PPP3CC: variants seen among roughly 807,000 people sequenced by gnomAD.
The protein encoded by PPP3CC is serine/threonine-protein phosphatase 2B catalytic subunit gamma isoform.
Under a neutral mutation model 60.3 loss-of-function variants are expected in PPP3CC, and 35 were observed. The observed-to-expected ratio is 0.58, with a 90% CI of 0.44 to 0.77. PPP3CC has a LOEUF of 0.77. PPP3CC is among the 30% of genes least tolerant of loss of function. The probability of loss-of-function intolerance (pLI) is 0.00; values close to 1 mark genes in which losing one functional copy is unlikely to be tolerated. For missense variants in PPP3CC, 570 were observed against 628.9 expected (o/e 0.91, Z 1.00); for synonymous variants, 206 against 224.3 (o/e 0.92, Z 0.73).
Position 22,533,212 on chromosome 8 carries a change from T to G in PPP3CC, c.1321+194T>G, listed in dbSNP as rs116639399. Among the ~76,000 whole-genome samples the G allele has an allele frequency of 3.4e-3, 514 of 152,262 alleles. 6 individuals carry two copies. Among genetic ancestry groups the G allele is most frequent in the African/African-American group, 0.011 (449 of 41,542 alleles). On this transcript the variant is annotated intron_variant, in intron 12 of 13. Transcript: ENST00000240139. ...TCAGAATGGCTTATTATAACTTCAGTGTAAAAAGCAAAACAGTAAAACAAG... is the reference window on the plus strand; with the variant it reads ...TCAGAATGGCTTATTATAACTTCAGGGTAAAAAGCAAAACAGTAAAACAAG...
intron 3 of PPP3CC, among the ~76,000 whole-genome samples, chr8:22,488,307 T>C (rs182608101): frequency 6.6e-6 from 1 of 152,372 alleles, no homozygotes; most frequent in East Asian, 1.9e-4. Flanking sequence ...AGGTTATTTA[T>C]ATGTGTCTAC....
chr8:22,483,976 G>A (rs1838148082), intron 3 of PPP3CC, among the ~76,000 whole-genome samples: 1 of 151,828 alleles, frequency 6.6e-6, no homozygotes, highest in African/African-American at 2.4e-5. Context: ...CAATTAGCTA[G>A]GACTACAGGT....
intron 6 of PPP3CC, among the ~76,000 whole-genome samples, chr8:22,519,100 G>C (rs1459046424): frequency 6.6e-6 from 1 of 152,170 alleles, no homozygotes; most frequent in African/African-American, 2.4e-5. Context: ...ACATCTTTCT[G>C]TTGTATTGAC....
chr8:22,453,695 C>A (rs1401318088), intron 1 of PPP3CC, among the ~76,000 whole-genome samples: 2 of 152,172 alleles, frequency 1.3e-5, no homozygotes, highest in African/African-American at 4.8e-5. Context: ...GTAGATGTTA[C>A]ACACCTAGGC....
intron 1 of PPP3CC, among the ~76,000 whole-genome samples, chr8:22,452,915 C>T (rs1389746675): frequency 6.6e-6 from 1 of 152,194 alleles, no homozygotes; most frequent in African/African-American, 2.4e-5. Flanking sequence ...CCTTTCTTCA[C>T]AATAAACTCC....
chr8:22,485,617 A>G (rs375121055), intron 3 of PPP3CC, among the ~76,000 whole-genome samples: 16 of 152,288 alleles, frequency 1.1e-4, no homozygotes, highest in African/African-American at 3.4e-4. Context: ...TATAGTTCCA[A>G]TGGCTGCTGA....
chr8:22,536,673 A>G (rs1563796566), intron 12 of PPP3CC, among the ~76,000 whole-genome samples: 1 of 152,180 alleles, frequency 6.6e-6, no homozygotes, highest in Non-Finnish European at 1.5e-5. Flanking sequence ...AGAGTTTCTT[A>G]TTCTTATTGA....
At chr8:22,443,772 G>A (rs770497216) in intron 1 of PPP3CC, among the ~76,000 whole-genome samples, 1 of 152,176 alleles carries the variant, frequency 6.6e-6, no homozygotes, top group Admixed American at 6.5e-5. Context: ...GTGGCTTCAT[G>A]ATGACTTATG....
At chr8:22,506,268 C>CAA (rs11407310) in intron 4 of PPP3CC, among the ~76,000 whole-genome samples, 16 of 150,378 alleles carry the variant, frequency 1.1e-4, no homozygotes, top group African/African-American at 2.4e-4. Flanking sequence ...GACCCCATTT[C>CAA]AAAAAAAAAG....
At chr8:22,447,739 A>G (rs1836874936) in intron 1 of PPP3CC, among the ~76,000 whole-genome samples, 3 of 152,218 alleles carry the variant, frequency 2.0e-5, no homozygotes, top group Non-Finnish European at 4.4e-5. Flanking sequence ...GGTTATCCAG[A>G]TGAATGTAGA....
Position 22,540,780 on chromosome 8 carries a change from A to G in PPP3CC, c.1517A>G (p.Gln506Arg). 1 of 1,612,036 alleles carries G rather than the reference A, an allele frequency of 6.2e-7. No homozygotes were observed. Among genetic ancestry groups the G allele is most frequent in the East Asian group, 2.2e-5 (1 of 44,818 alleles). ...TCACATGCTGCGCACAGGAGCGACC[A>G]AGGGAAGAAAGCCCATTCATGACTT... Reference protein sequence around the residue: ...AHSHAAHRSDQGKKAHS With the variant: ...AHSHAAHRSDRGKKAHS The change falls in exon 14 of 14, where the codon CAA (glutamine) becomes CGA (arginine). Residue 506 changes from glutamine to arginine, a missense_variant. Gln to Arg is a conservative substitution (Grantham distance 43). Transcript: ENST00000240139.
At position 22,497,490 on chromosome 8, in the gene PPP3CC, C is replaced by A. The variant is rs7001488; in HGVS notation, c.373-511C>A. ...TTGATTTTGTATGTTAATTTTATAT[C>A]CTGCTAGTTTACTGAATTATTTTAT... On this transcript the variant is annotated intron_variant, in intron 3 of 13. Coordinates refer to ENST00000240139, the MANE Select transcript of PPP3CC (RefSeq NM_005605.5). Among the ~76,000 whole-genome samples, 1,189 of 152,122 alleles carry A rather than the reference C, an allele frequency of 7.8e-3. 16 individuals carry two copies. Among genetic ancestry groups the A allele is most frequent in the African/African-American group, 0.027 (1,130 of 41,498 alleles).
At chr8:22,459,455 A>ATGTGTGTG (rs56870564) in intron 1 of PPP3CC, among the ~76,000 whole-genome samples, 9,605 of 150,198 alleles carry the variant, frequency 0.064, 1,019 homozygotes, top group African/African-American at 0.21. Context: ...TCACTTTGTT[A>ATGTGTGTG]TGTGTGTGTG....
chr8:22,441,326 A>AGGCTGACGGCTCCGGGCAGCTG lies in PPP3CC; in HGVS notation c.-84_-83insGGCTGACGGCTCCGGGCAGCTG, dbSNP rs1836659766. 7.2e-7 allele frequency: 1 copy of AGGCTGACGGCTCCGGGCAGCTG among 1,391,070 alleles called. No individual in the cohort carries two copies. The highest frequency in any genetic ancestry group is 1.5e-5 in the African/African-American group (1 of 65,902). The allele number at this position is 1,391,070 out of a possible 1,614,324, so 86.2% of individuals were successfully genotyped here. The stretch of plus-strand genomic sequence containing the variant: ...GGCTGGCTGACGGCTCCGGGCAGCT[A>AGGCTGACGGCTCCGGGCAGCTG]AGGCTGCCCGAGGAGAAGGCGGCGG... On this transcript the variant is annotated 5_prime_UTR_variant, in exon 1 of 14. Coordinates refer to ENST00000240139, the MANE Select transcript of PPP3CC (RefSeq NM_005605.5).
intron 5 of PPP3CC, among the ~76,000 whole-genome samples, chr8:22,513,030 C>T (rs1839135570): frequency 6.6e-6 from 1 of 151,286 alleles, no homozygotes; most frequent in African/African-American, 2.4e-5. Flanking sequence ...GAGCCGAGAT[C>T]GTGCCATTGC....
intron 4 of PPP3CC, among the ~76,000 whole-genome samples, chr8:22,510,299 C>A (rs1839049068): frequency 6.6e-6 from 1 of 152,110 alleles, no homozygotes; most frequent in South Asian, 2.1e-4. Context: ...AGGCGTGAGC[C>A]ACCACACCAG....
Position 22,541,091 on chromosome 8 carries a change from A to T in PPP3CC, c.*289A>T, listed in dbSNP as rs562247710. The T allele has an allele frequency of 2.7e-4, 52 of 193,574 alleles. No individual in the cohort carries two copies. Among genetic ancestry groups the T allele is most frequent in the African/African-American group, 1.2e-3 (51 of 42,904 alleles). 12.0% of individuals were successfully genotyped at this position (193,574 alleles called of 1,614,324 possible). A position where few individuals can be genotyped will look rare whatever the true frequency, so the allele number is the denominator to read the frequency against. On this transcript the variant is annotated 3_prime_UTR_variant, in exon 14 of 14. Transcript: ENST00000240139. ...GTGAAGTCTTGTGCTATAAAGGGGA[A>T]CTTCCCCTAATAAAAGGGCCTTGGA...
At chr8:22,486,448 T>G (rs899317854) in intron 3 of PPP3CC, among the ~76,000 whole-genome samples, 1 of 152,036 alleles carries the variant, frequency 6.6e-6, no homozygotes, top group African/African-American at 2.4e-5. Flanking sequence ...CTCTGCTGGG[T>G]TTTTGTTTGT....
At chr8:22,506,944 TAATTA>T (rs1355700471) in intron 4 of PPP3CC, among the ~76,000 whole-genome samples, 3 of 148,602 alleles carry the variant, frequency 2.0e-5, no homozygotes, top group East Asian at 4.0e-4. Context: ...ATTAATTAAT[TAATTA>T]AATTAAATAA....
Sources: allele counts gnomAD v4.1 joint callset (sites outside exome capture counted in the v4.1 genomes callset), GRCh38; gene constraint gnomAD v4.1.1; transcripts MANE v1.5; gene names NCBI Gene and HGNC (gene_info 2026-07-23, HGNC 2026-07-21).